Variants in SRGAP2C observed in about 807,000 individuals in gnomAD.
SRGAP2C encodes the protein SLIT-ROBO Rho GTPase activating protein 2C.
Under a neutral mutation model 25.1 loss-of-function variants are expected in SRGAP2C, and 15 were observed. The observed-to-expected ratio is 0.60, with a 90% CI of 0.40 to 0.92. The LOEUF is 0.92. SRGAP2C is among the 40% of genes least tolerant of loss of function. The pLI is 0.00. For missense variants in SRGAP2C, 144 were observed against 264.4 expected, an observed-to-expected ratio of 0.54 and a Z score of 3.16; for synonymous variants, 44 against 96.6, an observed-to-expected ratio of 0.46 and a Z score of 3.19.
chr1:121,230,709 C>A (rs1363532824), intron 2 of SRGAP2C, among the ~76,000 whole-genome samples: 1 of 149,822 alleles, frequency 6.7e-6, no homozygotes, highest in Non-Finnish European at 1.5e-5. Context: ...GTTTAAAAAT[C>A]ATTCTACTAT....
At chr1:121,362,643 G>A (rs1659223826) in intron 4 of SRGAP2C, 1 of 152,348 alleles carries the variant, frequency 6.6e-6, no homozygotes, top group African/African-American at 2.4e-5. Flanking sequence ...GGCAGGAGGA[G>A]ATGGCCCAGA....
intron 2 of SRGAP2C, among the ~76,000 whole-genome samples, chr1:121,282,799 C>T (rs1237392334): frequency 1.4e-5 from 2 of 147,204 alleles, no homozygotes; most frequent in African/African-American, 2.5e-5. Flanking sequence ...ACCTTGTGAT[C>T]CGCCCGCCTC....
intron 4 of SRGAP2C, among the ~76,000 whole-genome samples, chr1:121,337,650 T>TAAATA (rs1658547111): frequency 2.0e-5 from 3 of 148,396 alleles, no homozygotes; most frequent in African/African-American, 2.5e-5. Context: ...AATAAATAAA[T>TAAATA]AAATAAATAA....
chr1:121,304,883 C>G (rs1224718039), intron 3 of SRGAP2C, among the ~76,000 whole-genome samples: 1 of 151,634 alleles, frequency 6.6e-6, no homozygotes, highest in Non-Finnish European at 1.5e-5. Context: ...TAATGTTTTC[C>G]TCTCCGGAAT....
intron 5 of SRGAP2C, among the ~76,000 whole-genome samples, chr1:121,368,584 G>C (rs60703608): frequency 2.0e-5 from 3 of 152,068 alleles, no homozygotes; most frequent in Non-Finnish European, 2.9e-5. Context: ...GGAAAAGTTC[G>C]AGGTTAAAAA....
intron 2 of SRGAP2C, among the ~76,000 whole-genome samples, chr1:121,218,888 A>T (rs1376794485): frequency 2.6e-5 from 4 of 151,732 alleles, no homozygotes; most frequent in African/African-American, 9.7e-5. Flanking sequence ...TTGATCTGTG[A>T]TTTCCAGTTT....
chr1:121,372,904 C>CAT (rs781797736), intron 5 of SRGAP2C, among the ~76,000 whole-genome samples: 16,283 of 73,018 alleles, frequency 0.22, 6,091 homozygotes, highest in Non-Finnish European at 0.33. Context: ...CACACACACA[C>CAT]ATGCACACAC....
intron 5 of SRGAP2C, among the ~76,000 whole-genome samples, chr1:121,368,404 CAAA>C (rs781901337): frequency 5.6e-5 from 7 of 124,876 alleles, no homozygotes; most frequent in Non-Finnish European, 8.5e-5. Flanking sequence ...GACTCTGTCT[CAAA>C]AAAAAAAAAA....
intron 2 of SRGAP2C, among the ~76,000 whole-genome samples, chr1:121,281,407 C>T (rs1657239146): frequency 1.3e-5 from 2 of 150,070 alleles, no homozygotes. Context: ...TCCTGTTCTT[C>T]CTTCCTTTTC....
chr1:121,295,904 G>A (rs1309597699), intron 3 of SRGAP2C, among the ~76,000 whole-genome samples: 1 of 152,142 alleles, frequency 6.6e-6, no homozygotes, highest in Admixed American at 6.5e-5. Context: ...TGGGATTACA[G>A]GCATGCGCCA....
intron 8 of SRGAP2C, among the ~76,000 whole-genome samples, chr1:121,385,971 C>A (rs1553356294): frequency 1.3e-5 from 2 of 148,988 alleles, no homozygotes; most frequent in African/African-American, 2.5e-5. Flanking sequence ...CCCTCTCGGG[C>A]CCTCTAGCAT....
chr1:121,222,727 A>C (rs1266639499), intron 2 of SRGAP2C, among the ~76,000 whole-genome samples: 5 of 152,244 alleles, frequency 3.3e-5, no homozygotes, highest in African/African-American at 4.8e-5. Flanking sequence ...GTTAGGTACT[A>C]GTGGAGGACC....
chr1:121,260,197 A>G (rs1324907833), intron 2 of SRGAP2C, among the ~76,000 whole-genome samples: 1 of 148,762 alleles, frequency 6.7e-6, no homozygotes, highest in Non-Finnish European at 1.5e-5. Flanking sequence ...AGGGGTAGGG[A>G]GCTTTTAGAT....
At chr1:121,279,969 G>A (rs1410112542) in intron 2 of SRGAP2C, among the ~76,000 whole-genome samples, 1 of 151,194 alleles carries the variant, frequency 6.6e-6, no homozygotes, top group Non-Finnish European at 1.5e-5. Context: ...ACTGGCAGAT[G>A]GTGCTCAACA....
intron 3 of SRGAP2C, chr1:121,314,827 A>C (rs1558115061): frequency 1.0e-5 from 5 of 494,278 alleles, no homozygotes; most frequent in Admixed American, 7.7e-5. Context: ...TGCTCTCTTC[A>C]AAGCTCAGAT....
intron 2 of SRGAP2C, among the ~76,000 whole-genome samples, chr1:121,275,073 T>C (rs1373911954): frequency 6.7e-6 from 1 of 148,468 alleles, no homozygotes; most frequent in Non-Finnish European, 1.5e-5. Flanking sequence ...AGGTCCATGC[T>C]AGATTTTACT....
intron 3 of SRGAP2C, among the ~76,000 whole-genome samples, chr1:121,286,553 C>A (rs1266281242): frequency 6.6e-6 from 1 of 151,808 alleles, no homozygotes; most frequent in Non-Finnish European, 1.5e-5. Context: ...CCACCACACC[C>A]AGCCCATCTA....
chr1:121,362,280 T>C (rs1352261264), intron 4 of SRGAP2C: 3 of 118,906 alleles, frequency 2.5e-5, no homozygotes, highest in African/African-American at 9.8e-5. Flanking sequence ...TCAGAATTTC[T>C]CCTGATTGCT....
intron 1 of SRGAP2C, among the ~76,000 whole-genome samples, chr1:121,186,667 G>C (rs1654509641): frequency 1.3e-5 from 2 of 151,046 alleles, no homozygotes; most frequent in South Asian, 4.2e-4. Flanking sequence ...CGTTCCTGCA[G>C]TCCCCGCCCG....
Sources: allele counts gnomAD v4.1 joint callset (sites outside exome capture counted in the v4.1 genomes callset), GRCh38; gene constraint gnomAD v4.1.1; transcripts MANE v1.5; gene names NCBI Gene and HGNC (gene_info 2026-07-23, HGNC 2026-07-21).